RTL4: variants seen among roughly 807,000 people sequenced by gnomAD.
RTL4 encodes the protein retrotransposon Gag like 4.
RTL4 carries 4 observed loss-of-function variants against 5.3 expected under a neutral mutation model. The observed-to-expected ratio is 0.75, with a 90% CI of 0.37 to 1.72. The LOEUF (loss-of-function observed/expected upper bound fraction) is 1.72, where lower values mean the gene tolerates loss of function less well. Ranked by LOEUF, RTL4 falls within the 40% of genes most tolerant of loss-of-function variation. RTL4 has a pLI of 0.04. For missense variants in RTL4, 260 were observed against 227.1 expected, an observed-to-expected ratio of 1.14 and a Z score of -0.93; for synonymous variants, 98 against 87.3, an observed-to-expected ratio of 1.12 and a Z score of -0.68.
chrX:112,268,430 A>G, the RTL4 span, among the ~76,000 whole-genome samples: 2 of 111,759 alleles, frequency 1.8e-5, no homozygotes, highest in Non-Finnish European at 3.8e-5. Context: ...TATTTTATAT[A>G]TACTCTCTTA....
chrX:112,142,230 G>A, the RTL4 span, among the ~76,000 whole-genome samples: 916 of 112,444 alleles, frequency 8.1e-3, 6 homozygotes, highest in African/African-American at 0.028. Flanking sequence ...CTGCCTCATC[G>A]ACTGACTTTG....
chrX:112,350,845 G>GT, the RTL4 span, among the ~76,000 whole-genome samples: 2 of 110,903 alleles, frequency 1.8e-5, no homozygotes, highest in African/African-American at 3.3e-5. Flanking sequence ...TTTTTGAAGG[G>GT]TTTTTTGTGT....
the RTL4 span, among the ~76,000 whole-genome samples, chrX:112,288,505 C>T: frequency 3.6e-5 from 4 of 112,094 alleles, no homozygotes; most frequent in Non-Finnish European, 7.5e-5. Flanking sequence ...CAATAAGCAG[C>T]TATTACTAAA....
chrX:112,246,024 C>T, the RTL4 span, among the ~76,000 whole-genome samples: 14 of 112,441 alleles, frequency 1.2e-4, no homozygotes, highest in Middle Eastern at 4.6e-3. Context: ...GTATCACCAG[C>T]GGAAGCTGCA....
chrX:112,281,621 T>G, the RTL4 span, among the ~76,000 whole-genome samples: 1 of 111,258 alleles, frequency 9.0e-6, no homozygotes, highest in African/African-American at 3.3e-5. Flanking sequence ...TGTGTAAGAG[T>G]ACCCTTTTCT....
the RTL4 span, among the ~76,000 whole-genome samples, chrX:112,278,681 T>A: frequency 1.8e-5 from 2 of 111,506 alleles, no homozygotes; most frequent in Non-Finnish European, 3.8e-5. Flanking sequence ...ATCAGCTTTT[T>A]AGCTGGCCTA....
chrX:112,371,116 A>G, the RTL4 span, among the ~76,000 whole-genome samples: 1 of 111,294 alleles, frequency 9.0e-6, no homozygotes, highest in Non-Finnish European at 1.9e-5. Flanking sequence ...GATAGTTTTC[A>G]GCCTGGGATG....
At chrX:112,395,829 C>T in the RTL4 span, among the ~76,000 whole-genome samples, 2 of 111,355 alleles carry the variant, frequency 1.8e-5, no homozygotes, top group South Asian at 7.6e-4. Flanking sequence ...ATTTCACTAG[C>T]ATGTCCTGGG....
At chrX:112,250,409 C>T in the RTL4 span, among the ~76,000 whole-genome samples, 2 of 111,371 alleles carry the variant, frequency 1.8e-5, no homozygotes, top group African/African-American at 6.5e-5. Context: ...AATTGTCTGT[C>T]GCTATAGCTG....
chrX:112,314,674 A>G, the RTL4 span, among the ~76,000 whole-genome samples: 5 of 110,220 alleles, frequency 4.5e-5, no homozygotes, highest in Non-Finnish European at 9.5e-5. Context: ...CATCTCTCTC[A>G]TTGGAGCCTT....
At chrX:112,180,898 G>A in the RTL4 span, among the ~76,000 whole-genome samples, 17 of 112,152 alleles carry the variant, frequency 1.5e-4, no homozygotes, top group Admixed American at 1.0e-3. Flanking sequence ...CAAGATGGCC[G>A]AATCGGGACA....
chrX:112,203,629 C>T, the RTL4 span, among the ~76,000 whole-genome samples: 1 of 111,245 alleles, frequency 9.0e-6, no homozygotes, highest in Non-Finnish European at 1.9e-5. Flanking sequence ...TCCACTGATA[C>T]AACTCTGTCT....
At chrX:112,406,520 G>C in the RTL4 span, among the ~76,000 whole-genome samples, 265 of 111,050 alleles carry the variant, frequency 2.4e-3, no homozygotes, top group Non-Finnish European at 4.2e-3. Flanking sequence ...CCATTCATGA[G>C]AAACCACCCC....
chrX:112,372,095 C>T, the RTL4 span, among the ~76,000 whole-genome samples: 1 of 111,619 alleles, frequency 9.0e-6, no homozygotes, highest in Non-Finnish European at 1.9e-5. Context: ...ACATTTATGG[C>T]ACTGCAGAAG....
At chrX:112,146,165 G>A in the RTL4 span, among the ~76,000 whole-genome samples, 1 of 111,746 alleles carries the variant, frequency 8.9e-6, no homozygotes, top group African/African-American at 3.3e-5. Flanking sequence ...TAGCAATGCA[G>A]GGGGTGAGAA....
chrX:112,412,065 C>T, the RTL4 span, among the ~76,000 whole-genome samples: 3 of 109,605 alleles, frequency 2.7e-5, no homozygotes, highest in Non-Finnish European at 5.7e-5. Flanking sequence ...CAACAGTGAA[C>T]AATCTGAAAA....
At chrX:112,399,326 G>T in the RTL4 span, among the ~76,000 whole-genome samples, 2 of 111,107 alleles carry the variant, frequency 1.8e-5, no homozygotes, top group South Asian at 7.5e-4. Context: ...ATAGGTTTCA[G>T]CTCTGGCCTC....
the RTL4 span, among the ~76,000 whole-genome samples, chrX:112,296,919 G>A: frequency 4.5e-5 from 5 of 110,223 alleles, no homozygotes; most frequent in Non-Finnish European, 7.6e-5. Flanking sequence ...GCCTGGCTGA[G>A]AATCCCTTTT....
chrX:112,201,732 A>G, the RTL4 span, among the ~76,000 whole-genome samples: 1 of 111,148 alleles, frequency 9.0e-6, no homozygotes, highest in Non-Finnish European at 1.9e-5. Flanking sequence ...TGGGTTTTAC[A>G]TTATCTATTT....
Sources: allele counts gnomAD v4.1 joint callset (sites outside exome capture counted in the v4.1 genomes callset), GRCh38; gene constraint gnomAD v4.1.1; transcripts MANE v1.5; gene names NCBI Gene and HGNC (gene_info 2026-07-23, HGNC 2026-07-21).